The following MRE11 variants were observed in gnomAD, a reference collection of about 807,000 sequenced individuals.
The protein encoded by MRE11 is MRE11 double strand break repair nuclease, also known as double-strand break repair protein MRE11.
A neutral mutation model predicts 91.7 loss-of-function variants in MRE11; 62 were observed. The ratio of observed to expected loss-of-function variants is 0.68; its 90% CI spans 0.55 to 0.84. MRE11 has a LOEUF of 0.84. Ranked by LOEUF, MRE11 falls within the 40% of genes least tolerant of loss-of-function variation. The pLI is 0.00. For synonymous variants in MRE11, 273 were observed against 271.4 expected, an observed-to-expected ratio of 1.01 and a Z score of -0.06; for missense variants, 796 against 852.9, an observed-to-expected ratio of 0.93 and a Z score of 0.83.
Position 94,447,329 on chromosome 11 carries a change from G to C in MRE11, c.1673C>G (p.Ser558Cys), listed in dbSNP as rs776688385. Residue 558 changes from serine to cysteine, a missense_variant, in exon 15 of 20, where the codon TCT (serine) becomes TGT (cysteine). Coordinates refer to ENST00000323929, the MANE Select transcript of MRE11 (RefSeq NM_005591.4). ...IDLAEQMANDSDDSISAATNK... is the reference protein window; with the variant it reads ...IDLAEQMANDCDDSISAATNK... The stretch of plus-strand genomic sequence containing the variant: ...GGTTGCTGCTGAGATGCTATCATCA[G>C]AGTCATTAGCCATCTGTTCTGCTAA... 4 of 1,613,962 alleles carry C rather than the reference G, an allele frequency of 2.5e-6. No individual in the cohort carries two copies. Among genetic ancestry groups the C allele is most frequent in the Non-Finnish European group, 3.4e-6 (4 of 1,180,002 alleles).
chr11:94,511,183 C>CTCTA, the MRE11 span, among the ~76,000 whole-genome samples: 1,642 of 152,060 alleles, frequency 0.011, 35 homozygotes, highest in African/African-American at 0.038. Flanking sequence ...CGCTCTCTCT[C>CTCTA]TATATATATA....
At chr11:94,485,367 A>G (rs1329061853) in intron 4 of MRE11, among the ~76,000 whole-genome samples, 1 of 152,224 alleles carries the variant, frequency 6.6e-6, no homozygotes, top group Non-Finnish European at 1.5e-5. Flanking sequence ...ATTTAACTAC[A>G]TAAAAATTAA....
At chr11:94,504,875 G>T in the MRE11 span, among the ~76,000 whole-genome samples, 1 of 152,070 alleles carries the variant, frequency 6.6e-6, no homozygotes, top group Admixed American at 6.6e-5. Flanking sequence ...CTTGGGTTTT[G>T]TCTCCATCTA....
chr11:94,500,551 T>C, the MRE11 span, among the ~76,000 whole-genome samples: 1 of 152,202 alleles, frequency 6.6e-6, no homozygotes, highest in Non-Finnish European at 1.5e-5. Context: ...TCTTGGAAAG[T>C]CTATACAAAG....
intron 9 of MRE11, among the ~76,000 whole-genome samples, chr11:94,468,839 C>A (rs1187955126): frequency 6.8e-6 from 1 of 146,980 alleles, no homozygotes; most frequent in African/African-American, 2.5e-5. Context: ...AATGTAAACG[C>A]CACATGTGCT....
chr11:94,505,201 G>T, the MRE11 span, among the ~76,000 whole-genome samples: 1 of 152,128 alleles, frequency 6.6e-6, no homozygotes, highest in Non-Finnish European at 1.5e-5. Flanking sequence ...ATTTTAGGGT[G>T]TTCTTCTACT....
intron 2 of MRE11, among the ~76,000 whole-genome samples, chr11:94,491,531 C>G (rs567075155): frequency 6.6e-6 from 1 of 152,164 alleles, no homozygotes; most frequent in Admixed American, 6.5e-5. Context: ...TGTGAAGTAG[C>G]AATGTAATAG....
chr11:94,493,372 G>A (rs994270152), intron 1 of MRE11, among the ~76,000 whole-genome samples: 174 of 152,226 alleles, frequency 1.1e-3, no homozygotes, highest in African/African-American at 3.9e-3. Context: ...CGTTTAAAGC[G>A]AGTGTAAATA....
chr11:94,444,505 G>T (rs1383991642), intron 16 of MRE11, among the ~76,000 whole-genome samples: 1 of 152,144 alleles, frequency 6.6e-6, no homozygotes, highest in African/African-American at 2.4e-5. Flanking sequence ...GGCTTTACTG[G>T]CCCAACCAGA....
At chr11:94,467,412 G>A (rs1946591698) in intron 10 of MRE11, among the ~76,000 whole-genome samples, 1 of 152,106 alleles carries the variant, frequency 6.6e-6, no homozygotes, top group African/African-American at 2.4e-5. Context: ...CTGGAGAGAA[G>A]GTAGGGGCTG....
chr11:94,479,560 G>T, intron 5 of MRE11, 114 bp downstream of exon 5: 1 of 871,436 alleles, frequency 1.1e-6, no homozygotes, highest in South Asian at 1.4e-5. Flanking sequence ...AAGTCAACTT[G>T]ACTTTTGACT....
intron 16 of MRE11, among the ~76,000 whole-genome samples, chr11:94,438,127 C>CA (rs1377451002): frequency 2.0e-5 from 3 of 150,972 alleles, no homozygotes; most frequent in Non-Finnish European, 2.9e-5. Context: ...AACTCCGTCT[C>CA]AAAAAACAAA....
chr11:94,503,751 A>C, the MRE11 span, among the ~76,000 whole-genome samples: 1 of 149,784 alleles, frequency 6.7e-6, no homozygotes, highest in Non-Finnish European at 1.5e-5. Flanking sequence ...CCTAATTTTA[A>C]GACTAGCTAT....
rs1945062951 is a variant in MRE11, at chr11:94,417,620, G to C, written c.*2505C>G. 2 of 232,962 alleles carry C rather than the reference G, an allele frequency of 8.6e-6. No homozygotes were observed. 14.4% of individuals were successfully genotyped at this position (232,962 alleles called of 1,614,324 possible). The stretch of plus-strand genomic sequence containing the variant: ...AGGAGCTTTTAAATTACAGAAGTTA[G>C]GGCTTGTTACCCAGAAAGGAGAAAA... On this transcript the variant is annotated 3_prime_UTR_variant, in exon 20 of 20. Transcript: ENST00000323929.
chr11:94,437,300 C>T (rs1945646945), intron 16 of MRE11, 65 bp from the exon 17 acceptor site: 2 of 1,476,238 alleles, frequency 1.4e-6, no homozygotes, highest in Non-Finnish European at 1.9e-6. Context: ...AACTTGCATA[C>T]TTCTTTAGCT....
intron 18 of MRE11, among the ~76,000 whole-genome samples, chr11:94,430,333 TACA>T (rs1945430908): frequency 6.6e-6 from 1 of 152,306 alleles, no homozygotes; most frequent in African/African-American, 2.4e-5. Context: ...TATTAAGTAC[TACA>T]ACAATACTTA....
chr11:94,459,161 AG>A, intron 13 of MRE11, among the ~76,000 whole-genome samples: 1 of 152,320 alleles, frequency 6.6e-6, no homozygotes, highest in East Asian at 1.9e-4. Flanking sequence ...GCCCTTTCAA[AG>A]GATCTTTAAG....
intron 11 of MRE11, among the ~76,000 whole-genome samples, chr11:94,461,992 G>A (rs1390354455): frequency 1.3e-5 from 2 of 152,106 alleles, no homozygotes; most frequent in South Asian, 2.1e-4. Flanking sequence ...GGAGAATGGC[G>A]TGAACCTGGG....
In MRE11 at chr11:94,429,906, T is replaced by G. The variant is rs1003298745; in HGVS notation, c.2070+5A>C. ...AATTAAAATTTAACAATATTACTTA[T>G]TTACCTCACTTGATTCAAAATCAAC... On this transcript the variant is annotated splice_donor_5th_base_variant and intron_variant, in intron 19 of 19. Transcript: ENST00000323929. The G allele has an allele frequency of 6.2e-7, 1 of 1,608,872 alleles. No individual in the cohort carries two copies. Among genetic ancestry groups the G allele is most frequent in the Non-Finnish European group, 8.5e-7 (1 of 1,176,876 alleles).
Sources: allele counts gnomAD v4.1 joint callset (sites outside exome capture counted in the v4.1 genomes callset), GRCh38; gene constraint gnomAD v4.1.1; transcripts MANE v1.5; gene names NCBI Gene and HGNC (gene_info 2026-07-23, HGNC 2026-07-21).